The following RABGAP1L variants were observed in gnomAD, a reference collection of about 807,000 sequenced individuals.
RABGAP1L encodes the protein RAB GTPase activating protein 1 like, also known as rab GTPase-activating protein 1-like.
Under a neutral mutation model 137.7 loss-of-function variants are expected in RABGAP1L, and 63 were observed. That is an observed-to-expected ratio of 0.46 (90% CI 0.37 to 0.56). RABGAP1L has a LOEUF of 0.56. RABGAP1L is among the 20% of genes least tolerant of loss of function. RABGAP1L has a pLI of 0.00. For synonymous variants in RABGAP1L, 431 were observed against 433.7 expected, an observed-to-expected ratio of 0.99 and a Z score of 0.08; for missense variants, 1,095 against 1,244.0, an observed-to-expected ratio of 0.88 and a Z score of 1.80.
chr1:174,498,565 C>T lies in RABGAP1L; in HGVS notation c.1710+104420C>T, dbSNP rs191552360. On this transcript the variant is annotated intron_variant, in intron 13 of 25. Transcript: ENST00000681986. ...GCTGGAGTGCAGTGGTATGCGATCT[C>T]GGCTCACTGAAACCTCTGCCTCCTG... 3.6e-4 allele frequency among the ~76,000 whole-genome samples: 55 copies of T among 151,904 alleles called. 1 individual carries two copies. In the East Asian group the frequency reaches 5.6e-3, roughly 16 times the overall value.
intron 19 of RABGAP1L, among the ~76,000 whole-genome samples, chr1:174,953,873 A>G (rs1668105324): frequency 6.6e-6 from 1 of 152,206 alleles, no homozygotes; most frequent in East Asian, 1.9e-4. Context: ...GCTGTTCTGT[A>G]ACCCTGAGGC....
At chr1:174,328,000 T>TATATATATACATAC (rs1680679619) in intron 11 of RABGAP1L, among the ~76,000 whole-genome samples, 3 of 104,184 alleles carry the variant, frequency 2.9e-5, no homozygotes, top group African/African-American at 1.5e-4. Flanking sequence ...TATATATATA[T>TATATATATACATAC]ATATATATAT....
At chr1:174,775,088 C>G (rs953337546) in intron 18 of RABGAP1L, among the ~76,000 whole-genome samples, 1 of 152,076 alleles carries the variant, frequency 6.6e-6, no homozygotes, top group Non-Finnish European at 1.5e-5. Context: ...TCAGACACAT[C>G]TTTCAATTCG....
At chr1:174,625,360 A>G (rs751390986) in intron 13 of RABGAP1L, among the ~76,000 whole-genome samples, 19 of 152,214 alleles carry the variant, frequency 1.2e-4, no homozygotes, top group Non-Finnish European at 2.4e-4. Context: ...TGTTGAATAC[A>G]TGAATGAGTT....
At chr1:174,328,186 A>G (rs752473067) in intron 11 of RABGAP1L, among the ~76,000 whole-genome samples, 1 of 151,736 alleles carries the variant, frequency 6.6e-6, no homozygotes, top group Non-Finnish European at 1.5e-5. Flanking sequence ...ACTGTACTCT[A>G]TACCCAATGG....
intron 19 of RABGAP1L, among the ~76,000 whole-genome samples, chr1:174,835,850 T>TA (rs903024058): frequency 1.6e-4 from 24 of 150,380 alleles, no homozygotes; most frequent in African/African-American, 2.2e-4. Flanking sequence ...TCTGGTTATG[T>TA]AAAAAAAAAA....
At chr1:174,833,449 G>GAGATAT (rs1553259972) in intron 19 of RABGAP1L, among the ~76,000 whole-genome samples, 1 of 27,828 alleles carries the variant, frequency 3.6e-5, no homozygotes, top group South Asian at 4.1e-3. Context: ...TGTGTGTAGA[G>GAGATAT]ATATATATAT....
Position 174,444,045 on chromosome 1 carries a change from T to C in RABGAP1L, c.1710+49900T>C, listed in dbSNP as rs148709871. Reference sequence around the variant, plus strand: ...TTCTATTCCATTGGTCTATGTGTTTTTATGCCAATATCATGCTGTTTTGGT... The same window carrying C: ...TTCTATTCCATTGGTCTATGTGTTTCTATGCCAATATCATGCTGTTTTGGT... On this transcript the variant is annotated intron_variant, in intron 13 of 25. Coordinates refer to ENST00000681986, the MANE Select transcript of RABGAP1L (RefSeq NM_001366446.1). Among the ~76,000 whole-genome samples the C allele has an allele frequency of 1.2e-4, 18 of 152,146 alleles. No individual in the cohort carries two copies. In the East Asian group the frequency reaches 3.5e-3, roughly 29 times the overall value.
chr1:174,682,582 TTTACCCTTTGATCTGC>T (rs759599652), intron 14 of RABGAP1L, among the ~76,000 whole-genome samples: 34 of 151,884 alleles, frequency 2.2e-4, no homozygotes, highest in Non-Finnish European at 4.6e-4. Flanking sequence ...ACTCCTATTC[TTTACCCTTTGATCTGC>T]ACACTCTACC....
chr1:174,161,219 G>GTAT (rs72031504), intron 1 of RABGAP1L, among the ~76,000 whole-genome samples: 31,613 of 145,104 alleles, frequency 0.22, 3,712 homozygotes, highest in East Asian at 0.39. Context: ...GCTCTGATGT[G>GTAT]TATTATTATT....
At chr1:174,429,754 A>AT (rs1652388575) in intron 13 of RABGAP1L, among the ~76,000 whole-genome samples, 1 of 151,886 alleles carries the variant, frequency 6.6e-6, no homozygotes, top group African/African-American at 2.4e-5. Flanking sequence ...AAAAAAAATA[A>AT]AAATAAAAAT....
intron 19 of RABGAP1L, among the ~76,000 whole-genome samples, chr1:174,911,659 G>A (rs1210091360): frequency 6.6e-6 from 1 of 152,156 alleles, no homozygotes; most frequent in African/African-American, 2.4e-5. Flanking sequence ...AGAAGTTAAA[G>A]CTCCCTTGCT....
chr1:174,380,323 C>A (rs1686011565), intron 12 of RABGAP1L, among the ~76,000 whole-genome samples: 1 of 152,054 alleles, frequency 6.6e-6, no homozygotes, highest in African/African-American at 2.4e-5. Context: ...AGGGAGGATT[C>A]CCTCTTTTTC....
At position 174,893,862 on chromosome 1, in the gene RABGAP1L, A is replaced by T. The variant is rs368755898; in HGVS notation, c.2341-63595A>T. On this transcript the variant is annotated intron_variant, in intron 19 of 25. Transcript: ENST00000681986. ...GAACAGTTTGTGACAAATCCTTCCC[A>T]GACTGTTCTTTGAGTATACAAATTA... Among the ~76,000 whole-genome samples, 22 of 152,352 alleles carry T rather than the reference A, an allele frequency of 1.4e-4. 2 individuals carry two copies. The highest frequency in any genetic ancestry group is 5.3e-4 in the African/African-American group (22 of 41,588).
At chr1:174,833,447 G>T (rs1262932741) in intron 19 of RABGAP1L, among the ~76,000 whole-genome samples, 47 of 16,918 alleles carry the variant, frequency 2.8e-3, no homozygotes, top group South Asian at 0.025. Context: ...TGTGTGTGTA[G>T]AGATATATAT....
chr1:174,285,966 G>C (rs1014525226), intron 10 of RABGAP1L, among the ~76,000 whole-genome samples: 2 of 152,112 alleles, frequency 1.3e-5, no homozygotes, highest in Non-Finnish European at 1.5e-5. Flanking sequence ...TTACTCTGCT[G>C]TTGATTTCAG....
chr1:174,169,859 T>C (rs2148223906), intron 1 of RABGAP1L, among the ~76,000 whole-genome samples: 1 of 152,242 alleles, frequency 6.6e-6, no homozygotes, highest in South Asian at 2.1e-4. Flanking sequence ...CACACTCTGC[T>C]AATTTTTTAA....
intron 13 of RABGAP1L, among the ~76,000 whole-genome samples, chr1:174,616,346 G>C (rs1001391740): frequency 6.6e-6 from 1 of 152,190 alleles, no homozygotes; most frequent in Non-Finnish European, 1.5e-5. Context: ...ATGATGTTGG[G>C]AGAGAATTTA....
chr1:174,805,128 TGC>T (rs1428504717), intron 18 of RABGAP1L, among the ~76,000 whole-genome samples: 2 of 152,226 alleles, frequency 1.3e-5, no homozygotes, highest in African/African-American at 4.8e-5. Context: ...ATATTGGATA[TGC>T]TTGAAGTGGA....
Sources: gnomAD v4.1 joint callset for allele counts (sites outside exome capture counted in the v4.1 genomes callset) on GRCh38, gnomAD v4.1.1 for gene constraint, MANE v1.5 for transcripts, NCBI Gene and HGNC (gene_info 2026-07-23, HGNC 2026-07-21) for gene names.